PHLDB2: variants seen among roughly 807,000 people sequenced by gnomAD.
PHLDB2 encodes pleckstrin homology like domain family B member 2.
PHLDB2 carries 71 observed loss-of-function variants against 123.6 expected under a neutral mutation model. The ratio of observed to expected loss-of-function variants is 0.57; its 90% CI spans 0.47 to 0.70. The LOEUF (loss-of-function observed/expected upper bound fraction) is 0.70. Among genes scored for constraint, PHLDB2 ranks in the 30% least tolerant of loss-of-function variants. PHLDB2 has a pLI of 0.00. For missense variants in PHLDB2, 1,446 were observed against 1,519.5 expected (o/e 0.95, Z 0.80); for synonymous variants, 547 against 541.6 (o/e 1.01, Z -0.14).
At chr3:111,899,306 A>G (rs550108585) in intron 2 of PHLDB2, among the ~76,000 whole-genome samples, 1 of 152,204 alleles carries the variant, frequency 6.6e-6, no homozygotes, top group South Asian at 2.1e-4. Context: ...ATACATGTGT[A>G]TAATGTGCAG....
At chr3:111,879,725 T>C (rs1332706649) in intron 1 of PHLDB2, among the ~76,000 whole-genome samples, 1 of 152,220 alleles carries the variant, frequency 6.6e-6, no homozygotes. Context: ...AGCCATTTGC[T>C]ATAGTTCAGT....
At chr3:111,925,244 G>A (rs80256179) in intron 5 of PHLDB2, among the ~76,000 whole-genome samples, 4,199 of 152,176 alleles carry the variant, frequency 0.028, 127 homozygotes, top group South Asian at 0.13. Context: ...TTGCACATTC[G>A]TTACCCTATA....
intron 1 of PHLDB2, among the ~76,000 whole-genome samples, chr3:111,810,508 G>A (rs1401432960): frequency 4.6e-5 from 7 of 151,982 alleles, no homozygotes; most frequent in Non-Finnish European, 8.8e-5. Flanking sequence ...TCTTTCCTTG[G>A]TGCATGTATG....
chr3:111,756,504 G>C (rs1055707474), intron 1 of PHLDB2, among the ~76,000 whole-genome samples: 66 of 152,298 alleles, frequency 4.3e-4, no homozygotes, highest in African/African-American at 1.5e-3. Flanking sequence ...TTGCTTGGTA[G>C]ATCTTCCTCC....
At chr3:111,820,779 T>C (rs2062334920) in intron 1 of PHLDB2, among the ~76,000 whole-genome samples, 1 of 152,206 alleles carries the variant, frequency 6.6e-6, no homozygotes, top group South Asian at 2.1e-4. Context: ...CAGAGGGGCA[T>C]GGCCGGAATG....
chr3:111,748,078 G>T (rs1275579921), intron 1 of PHLDB2, among the ~76,000 whole-genome samples: 2 of 152,152 alleles, frequency 1.3e-5, no homozygotes, highest in East Asian at 3.8e-4. Flanking sequence ...ATTGAAAGGA[G>T]GTCAAATAGT....
chr3:111,881,904 C>T lies in PHLDB2; in HGVS notation c.-14-2160C>T, dbSNP rs540840874. ...GGTAAGGGTACCCATGTAGTTCAAT[C>T]CTGTGTTGTTCAAGAGTCAACTGAA... On this transcript the variant is annotated intron_variant, in intron 1 of 17. Transcript: ENST00000431670. Among the ~76,000 whole-genome samples the T allele has an allele frequency of 2.0e-5, 3 of 151,750 alleles. No homozygotes were observed. The South Asian group carries it at 6.3e-4, about 32-fold the overall frequency.
chr3:111,896,352 T>C (rs1332572119), intron 2 of PHLDB2, among the ~76,000 whole-genome samples: 4 of 87,366 alleles, frequency 4.6e-5, no homozygotes, highest in African/African-American at 7.3e-5. Flanking sequence ...TCTTTTTTCT[T>C]CCCCCGCCCC....
At chr3:111,952,938 A>G (rs2070803649) in intron 11 of PHLDB2, among the ~76,000 whole-genome samples, 1 of 152,196 alleles carries the variant, frequency 6.6e-6, no homozygotes, top group African/African-American at 2.4e-5. Flanking sequence ...CTACCAGCAC[A>G]ACCCAGGCGA....
intron 10 of PHLDB2, among the ~76,000 whole-genome samples, chr3:111,950,705 G>A (rs7626336): frequency 0.13 from 19,796 of 152,052 alleles, 1,631 homozygotes; most frequent in Non-Finnish European, 0.18. Flanking sequence ...TGATGTAGGC[G>A]AGCTCTGGTT....
intron 1 of PHLDB2, among the ~76,000 whole-genome samples, chr3:111,860,553 C>T (rs2064779592): frequency 6.6e-6 from 1 of 152,220 alleles, no homozygotes; most frequent in Non-Finnish European, 1.5e-5. Flanking sequence ...GGCTAACTCC[C>T]GCCACCACCA....
At chr3:111,818,958 A>G (rs1026510272) in intron 1 of PHLDB2, among the ~76,000 whole-genome samples, 5 of 152,142 alleles carry the variant, frequency 3.3e-5, no homozygotes, top group African/African-American at 7.2e-5. Context: ...AATGTCATCA[A>G]TTGGGTGGCT....
intron 1 of PHLDB2, among the ~76,000 whole-genome samples, chr3:111,872,538 C>T (rs762279855): frequency 6.6e-6 from 1 of 152,158 alleles, no homozygotes; most frequent in Non-Finnish European, 1.5e-5. Context: ...GCAATCACGT[C>T]CCTCCTGCTC....
intron 1 of PHLDB2, among the ~76,000 whole-genome samples, chr3:111,748,678 T>C (rs1275881281): frequency 6.6e-6 from 1 of 151,906 alleles, no homozygotes; most frequent in Non-Finnish European, 1.5e-5. Context: ...CACACCACCA[T>C]ACCCGGCTAA....
At chr3:111,942,774 G>T (rs568354615) in intron 8 of PHLDB2, among the ~76,000 whole-genome samples, 11 of 151,034 alleles carry the variant, frequency 7.3e-5, no homozygotes, top group African/African-American at 2.2e-4. Context: ...TCAGTTCAAG[G>T]TTAATGAATC....
rs1326616017 is a variant in PHLDB2 at position 111,780,412 on chromosome 3, A to AAGAAGAAGAAGAAGAAG, written c.-49+47710_-49+47711insGAAGAAGAAGAAGAAGA. Among the ~76,000 whole-genome samples, 14 of 116,778 alleles carry AAGAAGAAGAAGAAGAAG rather than the reference A, an allele frequency of 1.2e-4. 3 individuals are homozygous for AAGAAGAAGAAGAAGAAG. Among genetic ancestry groups the AAGAAGAAGAAGAAGAAG allele is most frequent in the Non-Finnish European group, 2.2e-4 (12 of 54,886 alleles). The allele number at this position is 116,778 out of a possible 152,430, so 76.6% of individuals were successfully genotyped here. On this transcript the variant is annotated intron_variant, in intron 1 of 17. Transcript: ENST00000393923. ...AGAAGAAGAAGAAGAAGAAGAAGAA[A>AAGAAGAAGAAGAAGAAG]AAGATTAGTTCGGCCCAACTTTCTG...
intron 2 of PHLDB2, among the ~76,000 whole-genome samples, chr3:111,897,350 T>A (rs1268960622): frequency 6.6e-6 from 1 of 152,208 alleles, no homozygotes; most frequent in Non-Finnish European, 1.5e-5. Flanking sequence ...TTTTTCCACC[T>A]TTCAGAGTCT....
At chr3:111,913,246 C>G in intron 2 of PHLDB2, 73 bp from the exon 3 acceptor site, 1 of 1,472,752 alleles carries the variant, frequency 6.8e-7, no homozygotes, top group Middle Eastern at 2.0e-4. Context: ...GTCCCAGCCT[C>G]TTCAGTCTTT....
intron 1 of PHLDB2, among the ~76,000 whole-genome samples, chr3:111,739,067 T>C (rs1159064806): frequency 6.6e-6 from 1 of 152,200 alleles, no homozygotes; most frequent in Non-Finnish European, 1.5e-5. Context: ...ATGTCTTCTC[T>C]AGTTTTGATA....
Sources: allele counts gnomAD v4.1 joint callset (sites outside exome capture counted in the v4.1 genomes callset), GRCh38; gene constraint gnomAD v4.1.1; transcripts MANE v1.5; gene names NCBI Gene and HGNC (gene_info 2026-07-23, HGNC 2026-07-21).